CNBD2: variants seen among roughly 807,000 people sequenced by gnomAD.
CNBD2 encodes cyclic nucleotide binding domain containing 2.
CNBD2 carries 64 observed loss-of-function variants against 63.7 expected under a neutral mutation model. That is an observed-to-expected ratio of 1.00 (90% confidence interval 0.82 to 1.24). The LOEUF is 1.24. Ranked by LOEUF, CNBD2 falls within the 50% of genes most tolerant of loss-of-function variation. The pLI, the probability that CNBD2 is intolerant of heterozygous loss-of-function variation, is 0.00. For synonymous variants in CNBD2, 229 were observed against 255.4 expected (o/e 0.90, Z 0.99); for missense variants, 691 against 713.5 (o/e 0.97, Z 0.36).
chr20:36,018,843 G>A (rs764459331), intron 10 of CNBD2, among the ~76,000 whole-genome samples: 3 of 152,242 alleles, frequency 2.0e-5, no homozygotes, highest in Non-Finnish European at 4.4e-5. Flanking sequence ...ATAGTTAGCT[G>A]TGTGGCCACG....
In CNBD2 at chr20:36,008,436, A is replaced by G. The variant is rs2057013817; in HGVS notation, c.1110A>G (p.Ser370=). The change falls in exon 9 of 12, where the codon TCA becomes TCG. Residue 370 remains serine (S), a synonymous_variant. Transcript: ENST00000373973. The part of the protein sequence containing the change: ...GTSFSRKIRT[S]GDTLPKMLGP... ...GCTTCAGCAGGAAGATCAGAACCTC[A>G]GGAGACACTCTCCCCAAGATGCTGG... 1.2e-6 allele frequency: 2 copies of G among 1,613,848 alleles called. No individual in the cohort carries two copies. The highest frequency in any genetic ancestry group is 1.7e-6 in the Non-Finnish European group (2 of 1,179,924).
At position 36,008,173 on chromosome 20, in the gene CNBD2, T is replaced by A. The variant is rs2794370; in HGVS notation, c.971-124T>A. ...CAGTGTTTTATCTTTCTTTTTTTTT[T>A]AAAAAATTTCCCCATGTGCTAGACC... On this transcript the variant is annotated intron_variant, in intron 8 of 11. Transcript: ENST00000373973. 0.039 allele frequency: 28,715 copies of A among 731,700 alleles called. 898 individuals carry two copies. The highest frequency in any genetic ancestry group is 0.13 in the African/African-American group (7,243 of 55,330). The allele number at this position is 731,700 out of a possible 1,614,324, so 45.3% of individuals were successfully genotyped here.
intron 11 of CNBD2, among the ~76,000 whole-genome samples, chr20:36,024,496 G>A (rs2057259752): frequency 6.6e-6 from 1 of 151,822 alleles, no homozygotes; most frequent in African/African-American, 2.4e-5. Context: ...AGGCATGGTA[G>A]TGGGCCTCTG....
At chr20:36,022,298 A>G (rs2057225806) in intron 10 of CNBD2, among the ~76,000 whole-genome samples, 1 of 142,992 alleles carries the variant, frequency 7.0e-6, no homozygotes, top group Admixed American at 7.5e-5. Context: ...TCCCAGGTTC[A>G]AGCAATTCTC....
chr20:35,988,777 G>C (rs1302549868), intron 7 of CNBD2, among the ~76,000 whole-genome samples: 1 of 152,094 alleles, frequency 6.6e-6, no homozygotes, highest in Non-Finnish European at 1.5e-5. Flanking sequence ...TAGTGTCCAG[G>C]ATGTACATTT....
upstream of CNBD2, chr20:35,954,454 C>T (rs992274724): frequency 2.3e-5 from 36 of 1,548,792 alleles, no homozygotes; most frequent in African/African-American, 4.2e-4. Context: ...TTACCTGCAC[C>T]AGCGAAGCGC....
intron 8 of CNBD2, among the ~76,000 whole-genome samples, chr20:36,000,376 T>C (rs1055649910): frequency 6.6e-6 from 1 of 152,132 alleles, no homozygotes; most frequent in African/African-American, 2.4e-5. Flanking sequence ...ATTTTATTTA[T>C]TTATTTATTT....
chr20:35,968,814 G>T lies in CNBD2; in HGVS notation c.51+1G>T, dbSNP rs1337388230. 6.2e-7 allele frequency: 1 copy of T among 1,605,906 alleles called. No homozygotes were observed. Among genetic ancestry groups the T allele is most frequent in the Admixed American group, 1.7e-5 (1 of 58,914 alleles). ...CTGGCAGCTCCTGAAGAAGGAACTG[G>T]TGAGGAGGGGCAAGGGCCCTGGGAG... On this transcript the variant is annotated splice_donor_variant, in intron 1 of 11. Transcript: ENST00000373973. LOFTEE classifies it high-confidence loss of function.
intron 6 of CNBD2, among the ~76,000 whole-genome samples, chr20:35,985,882 T>C (rs2056661361): frequency 6.6e-6 from 1 of 152,210 alleles, no homozygotes; most frequent in Admixed American, 6.5e-5. Flanking sequence ...GATAGATCTG[T>C]CTTTGTCACT....
At chr20:35,984,208 C>T (rs2056635631) in intron 5 of CNBD2, 70 bp downstream of exon 5, 1 of 1,502,614 alleles carries the variant, frequency 6.7e-7, no homozygotes, top group Non-Finnish European at 9.0e-7. Context: ...CTGCTAGAAC[C>T]TCTCAGCCAG....
intron 10 of CNBD2, among the ~76,000 whole-genome samples, chr20:36,020,512 T>G (rs1215080710): frequency 6.6e-6 from 1 of 152,206 alleles, no homozygotes; most frequent in East Asian, 1.9e-4. Context: ...GCCTGGAATT[T>G]AGTGAGTGCT....
chr20:35,992,538 A>G (rs1344580937), intron 7 of CNBD2, among the ~76,000 whole-genome samples: 1 of 152,192 alleles, frequency 6.6e-6, no homozygotes, highest in Non-Finnish European at 1.5e-5. Context: ...CTGAGCCTTC[A>G]TTCTGAGAAA....
intron 11 of CNBD2, among the ~76,000 whole-genome samples, chr20:36,028,056 C>T (rs2057302031): frequency 6.6e-6 from 1 of 152,192 alleles, no homozygotes; most frequent in African/African-American, 2.4e-5. Context: ...CTGAAAAATA[C>T]TGGCGGTTCC....
intron 9 of CNBD2, 135 bp downstream of exon 9, chr20:36,008,609 A>G (rs144151763): frequency 3.6e-6 from 3 of 836,236 alleles, no homozygotes; most frequent in Admixed American, 3.1e-5. Context: ...AGGATTGTGC[A>G]TGAGGCAACC....
Position 36,030,405 on chromosome 20 carries a change from C to G in CNBD2, c.1488C>G (p.Ile496Met). Residue 496 changes from isoleucine (I) to methionine (M), a missense_variant, in exon 12 of 12, where the codon ATC (isoleucine) becomes ATG (methionine). Coordinates refer to ENST00000373973, the MANE Select transcript of CNBD2 (RefSeq NM_001365709.1). ...TCCTCCAGCAGAACAGCTGGAATATCTTTCGGAAGGACCTGTTGCAGCTGC... is the reference window on the plus strand; with the variant it reads ...TCCTCCAGCAGAACAGCTGGAATATGTTTCGGAAGGACCTGTTGCAGCTGC... ...QKFLQQNSWN[I>M]FRKDLLQLLV... The G allele has an allele frequency of 6.2e-7, 1 of 1,614,132 alleles. No homozygotes were observed.
At chr20:35,992,816 C>CT (rs374313778) in intron 7 of CNBD2, among the ~76,000 whole-genome samples, 12 of 145,682 alleles carry the variant, frequency 8.2e-5, no homozygotes, top group South Asian at 2.3e-4. Context: ...TCTTTTCTCT[C>CT]TTTTTTTTTC....
intron 7 of CNBD2, among the ~76,000 whole-genome samples, chr20:35,989,931 AGAAAG>A (rs1417178792): frequency 6.6e-6 from 1 of 151,848 alleles, no homozygotes; most frequent in East Asian, 1.9e-4. Flanking sequence ...GAAGGAAAGA[AGAAAG>A]GAAGGAAGGA....
chr20:36,027,373 C>T (rs759468831), intron 11 of CNBD2, among the ~76,000 whole-genome samples: 46 of 152,138 alleles, frequency 3.0e-4, no homozygotes, highest in Non-Finnish European at 6.6e-4. Flanking sequence ...TGACCTTGAG[C>T]AGTGTGAGGT....
intron 8 of CNBD2, among the ~76,000 whole-genome samples, chr20:36,001,353 G>C (rs2056897638): frequency 6.8e-6 from 1 of 147,934 alleles, no homozygotes; most frequent in Non-Finnish European, 1.5e-5. Flanking sequence ...CGGGGCGGCT[G>C]GCAGGGTGGG....
Sources: allele counts gnomAD v4.1 joint callset (sites outside exome capture counted in the v4.1 genomes callset), GRCh38; gene constraint gnomAD v4.1.1; transcripts MANE v1.5; gene names NCBI Gene and HGNC (gene_info 2026-07-23, HGNC 2026-07-21).